AP3B1: variants seen among roughly 807,000 people sequenced by gnomAD.
The protein encoded by AP3B1 is adaptor related protein complex 3 subunit beta 1.
A neutral mutation model predicts 132.5 loss-of-function variants in AP3B1; 61 were observed. The ratio of observed to expected loss-of-function variants is 0.46; its 90% CI spans 0.37 to 0.57. The LOEUF is 0.57. AP3B1 is among the 20% of genes least tolerant of loss of function. The pLI is 0.00. For missense variants in AP3B1, 1,120 were observed against 1,289.4 expected (o/e 0.87, Z 2.01); for synonymous variants, 388 against 438.3 (o/e 0.89, Z 1.43).
chr5:78,165,458 T>C, intron 12 of AP3B1, 152 bp downstream of exon 12: 1 of 632,110 alleles, frequency 1.6e-6, no homozygotes, highest in Non-Finnish European at 2.8e-6. Flanking sequence ...GTAATTAGTT[T>C]ATTCTTGCAA....
intron 2 of AP3B1, among the ~76,000 whole-genome samples, chr5:78,253,601 T>C (rs1471939625): frequency 6.6e-6 from 1 of 152,180 alleles, no homozygotes; most frequent in Non-Finnish European, 1.5e-5. Flanking sequence ...ATGTGACCTT[T>C]CAGATACAGA....
At chr5:78,006,335 T>G (rs1180369775) in intron 26 of AP3B1, among the ~76,000 whole-genome samples, 1 of 152,212 alleles carries the variant, frequency 6.6e-6, no homozygotes, top group Non-Finnish European at 1.5e-5. Flanking sequence ...TTTGTTTTTA[T>G]CAGTCAACAG....
chr5:78,236,368 G>A (rs1746880578), intron 3 of AP3B1, among the ~76,000 whole-genome samples: 1 of 151,960 alleles, frequency 6.6e-6, no homozygotes, highest in South Asian at 2.1e-4. Flanking sequence ...AAAAAAATAT[G>A]CCAATACTAG....
rs752021881 is a variant in AP3B1, at chr5:78,294,585, C to T, written c.-6G>A. On this transcript the variant is annotated 5_prime_UTR_variant, in exon 1 of 27. Transcript: ENST00000255194. ...GGAAAACTATTGCTGGACATTGCCG[C>T]GGTGCTGGCGGGTGCGGGGTTGGTC... 7 of 1,614,050 alleles carry T rather than the reference C, an allele frequency of 4.3e-6. No homozygotes were observed. In the East Asian group the frequency reaches 1.1e-4, roughly 26 times the overall value.
intron 3 of AP3B1, among the ~76,000 whole-genome samples, chr5:78,240,100 C>T (rs1052254068): frequency 2.6e-5 from 4 of 152,218 alleles, no homozygotes; most frequent in Admixed American, 2.0e-4. Context: ...AATGCTTGTG[C>T]ACTTTCTCTG....
At chr5:78,178,134 T>C (rs963425941) in intron 8 of AP3B1, among the ~76,000 whole-genome samples, 2 of 152,104 alleles carry the variant, frequency 1.3e-5, no homozygotes, top group Non-Finnish European at 2.9e-5. Context: ...TTTTTAAGAA[T>C]TATAAGCATG....
At chr5:78,107,053 A>C (rs1751368302) in intron 20 of AP3B1, among the ~76,000 whole-genome samples, 2 of 152,358 alleles carry the variant, frequency 1.3e-5, no homozygotes, top group African/African-American at 4.8e-5. Context: ...GGAAAAAAGA[A>C]GATTAAAGAA....
In AP3B1 at chr5:78,015,391, C is replaced by T. The variant is rs769957838; in HGVS notation, c.3131+19G>A. The T allele has an allele frequency of 2.5e-6, 4 of 1,612,334 alleles. No individual in the cohort carries two copies. The highest frequency in any genetic ancestry group is 1.1e-5 in the South Asian group (1 of 91,024). On this transcript the variant is annotated intron_variant, in intron 26 of 26. Transcript: ENST00000255194. ...ATTCAAGTCATCTTCACCTCCACATCGTGTGTTAGTGAACCTACCTGTGTA... is the reference window on the plus strand; with the variant it reads ...ATTCAAGTCATCTTCACCTCCACATTGTGTGTTAGTGAACCTACCTGTGTA...
At chr5:78,191,411 G>A (rs1452432067) in intron 7 of AP3B1, among the ~76,000 whole-genome samples, 1 of 149,010 alleles carries the variant, frequency 6.7e-6, no homozygotes, top group African/African-American at 2.5e-5. Context: ...AAGCTGAGAG[G>A]CCTAAAAGCT....
intron 9 of AP3B1, 109 bp from the exon 10 acceptor site, chr5:78,175,947 T>C (rs1744131332): frequency 2.3e-6 from 2 of 880,290 alleles, no homozygotes; most frequent in Admixed American, 3.9e-5. Flanking sequence ...TGAATGAGAC[T>C]CTTAAATGTA....
rs1455100579 is a variant in AP3B1 at position 78,020,801 on chromosome 5, C to A, written c.2895-12G>T. 10 of 1,588,338 alleles carry A rather than the reference C, an allele frequency of 6.3e-6. No individual in the cohort carries two copies. The South Asian group carries it at 6.6e-5, about 11-fold the overall frequency. ...AATCATCCTTGGTACTGAAGAAAAACAATCAAAGCTGACTAAATGCTTCAT... is the reference window on the plus strand; with the variant it reads ...AATCATCCTTGGTACTGAAGAAAAAAAATCAAAGCTGACTAAATGCTTCAT... On this transcript the variant is annotated splice_polypyrimidine_tract_variant and intron_variant, in intron 24 of 26. Coordinates refer to ENST00000255194, the MANE Select transcript of AP3B1 (RefSeq NM_003664.5).
intron 22 of AP3B1, among the ~76,000 whole-genome samples, chr5:78,053,235 T>C (rs1330874557): frequency 1.3e-5 from 2 of 152,232 alleles, no homozygotes; most frequent in Non-Finnish European, 2.9e-5. Flanking sequence ...AAATTCACTG[T>C]CTCCTGCATT....
intron 13 of AP3B1, among the ~76,000 whole-genome samples, chr5:78,160,914 T>C (rs1204374004): frequency 6.6e-6 from 1 of 151,922 alleles, no homozygotes; most frequent in East Asian, 1.9e-4. Flanking sequence ...GATACAGACA[T>C]AATTAATCAG....
At chr5:78,240,266 T>C (rs1252273176) in intron 3 of AP3B1, among the ~76,000 whole-genome samples, 2 of 152,208 alleles carry the variant, frequency 1.3e-5, no homozygotes, top group African/African-American at 4.8e-5. Context: ...GAAAAATTTA[T>C]CAATTAACCA....
At chr5:78,085,447 G>T (rs1750200560) in intron 22 of AP3B1, among the ~76,000 whole-genome samples, 1 of 151,892 alleles carries the variant, frequency 6.6e-6, no homozygotes, top group South Asian at 2.1e-4. Flanking sequence ...AAAGCTCAAT[G>T]ATATTTTTCA....
intron 7 of AP3B1, among the ~76,000 whole-genome samples, chr5:78,210,041 T>C (rs1745669200): frequency 1.3e-5 from 2 of 152,182 alleles, no homozygotes; most frequent in African/African-American, 2.4e-5. Context: ...CACCTTAAAT[T>C]ATATGTTGAA....
chr5:78,172,037 A>G (rs1354264486), intron 11 of AP3B1, among the ~76,000 whole-genome samples: 1 of 152,206 alleles, frequency 6.6e-6, no homozygotes, highest in East Asian at 1.9e-4. Flanking sequence ...GTGATAGATT[A>G]CATTTATTGA....
At chr5:78,028,316 C>A (rs930349356) in intron 24 of AP3B1, among the ~76,000 whole-genome samples, 1 of 151,096 alleles carries the variant, frequency 6.6e-6, no homozygotes, top group African/African-American at 2.4e-5. Context: ...TACAATTAGT[C>A]GGGCATGGTG....
At chr5:78,183,730 G>A (rs1382461576) in intron 7 of AP3B1, among the ~76,000 whole-genome samples, 1 of 151,796 alleles carries the variant, frequency 6.6e-6, no homozygotes, top group Non-Finnish European at 1.5e-5. Flanking sequence ...TAGCCTGGCT[G>A]GTGGGGCACA....
Sources: allele counts gnomAD v4.1 joint callset (sites outside exome capture counted in the v4.1 genomes callset), GRCh38; gene constraint gnomAD v4.1.1; transcripts MANE v1.5; gene names NCBI Gene and HGNC (gene_info 2026-07-23, HGNC 2026-07-21).